HECW1: variants seen among roughly 807,000 people sequenced by gnomAD.
HECW1 encodes E3 ubiquitin-protein ligase HECW1.
Under a neutral mutation model 182.3 loss-of-function variants are expected in HECW1, and 61 were observed. The observed-to-expected ratio is 0.33, with a 90% CI of 0.27 to 0.41. The LOEUF (loss-of-function observed/expected upper bound fraction) is 0.41. Among genes scored for constraint, HECW1 ranks in the 10% least tolerant of loss-of-function variants. The probability of loss-of-function intolerance (pLI) is 1.00; values close to 1 mark genes in which losing one functional copy is unlikely to be tolerated. For synonymous variants in HECW1, 859 were observed against 832.6 expected (o/e 1.03, Z -0.55); for missense variants, 1,739 against 2,108.9 (o/e 0.82, Z 3.44).
chr7:43,245,443 A>G (rs1021266362), intron 3 of HECW1: 1 of 152,216 alleles, frequency 6.6e-6, no homozygotes, highest in African/African-American at 2.4e-5. Flanking sequence ...AGTGCATTTC[A>G]CATTCAGGAA....
chr7:43,532,517 G>C (rs994549670), intron 24 of HECW1, among the ~76,000 whole-genome samples: 54 of 152,258 alleles, frequency 3.5e-4, no homozygotes, highest in African/African-American at 1.2e-3. Context: ...TCCCCTGGGT[G>C]CCTCTCCAAA....
chr7:43,294,483 T>C (rs1427437676), intron 3 of HECW1, among the ~76,000 whole-genome samples: 1 of 152,206 alleles, frequency 6.6e-6, no homozygotes, highest in Non-Finnish European at 1.5e-5. Flanking sequence ...GGGAATCAGC[T>C]GCCACTGTTG....
Position 43,351,926 on chromosome 7 carries a change from G to A in HECW1, c.461-8960G>A, listed in dbSNP as rs918894253. 5.3e-5 allele frequency among the ~76,000 whole-genome samples: 8 copies of A among 152,060 alleles called. No individual in the cohort carries two copies. The East Asian group carries it at 5.8e-4, about 11-fold the overall frequency. ...TGGTGTATTTCTCAACAGTATATCCGTTTATTATTCAGAGTCCCACCTTGA... is the reference window on the plus strand; with the variant it reads ...TGGTGTATTTCTCAACAGTATATCCATTTATTATTCAGAGTCCCACCTTGA... On this transcript the variant is annotated intron_variant, in intron 5 of 29. Coordinates refer to ENST00000395891, the MANE Select transcript of HECW1 (RefSeq NM_015052.5).
intron 2 of HECW1, among the ~76,000 whole-genome samples, chr7:43,235,870 G>A (rs139594118): frequency 1.1e-4 from 16 of 152,232 alleles, no homozygotes; most frequent in Admixed American, 4.6e-4. Flanking sequence ...AAAAATGCAA[G>A]CACAGCTAAG....
At chr7:43,205,761 C>T (rs1795416186) in intron 2 of HECW1, among the ~76,000 whole-genome samples, 1 of 152,138 alleles carries the variant, frequency 6.6e-6, no homozygotes, top group African/African-American at 2.4e-5. Flanking sequence ...GGACAAGGTC[C>T]CTTCTGTCCT....
rs868481685 is a variant in HECW1, at chr7:43,186,523, C to G, written c.-31-57352C>G. On this transcript the variant is annotated intron_variant, in intron 2 of 29. Transcript: ENST00000395891. ...TTTACTAAAAATACAAAAAAATTTA[C>G]CCAGGCTTGGTGGAGGGCGCCTGTA... is the stretch of plus-strand genomic sequence containing the variant. Among the ~76,000 whole-genome samples the G allele has an allele frequency of 3.9e-5, 6 of 151,994 alleles. No homozygotes were observed. The Middle Eastern group carries it at 0.014, about 345-fold the overall frequency.
At chr7:43,362,131 CAAAA>C (rs34879817) in intron 6 of HECW1, among the ~76,000 whole-genome samples, 4 of 87,848 alleles carry the variant, frequency 4.6e-5, no homozygotes, top group Admixed American at 1.4e-4. Context: ...AACTCCGTCT[CAAAA>C]AAAAAAAAAA....
At chr7:43,198,546 C>T (rs540040985) in intron 2 of HECW1, among the ~76,000 whole-genome samples, 1 of 150,952 alleles carries the variant, frequency 6.6e-6, no homozygotes, top group East Asian at 2.0e-4. Flanking sequence ...ACTCCACACT[C>T]TCACACACCC....
chr7:43,455,127 C>G (rs1204059046), intron 12 of HECW1, among the ~76,000 whole-genome samples: 3 of 151,292 alleles, frequency 2.0e-5, no homozygotes, highest in Admixed American at 6.6e-5. Flanking sequence ...TTTTTGTTTT[C>G]TTTTTTTTTG....
intron 5 of HECW1, among the ~76,000 whole-genome samples, chr7:43,354,169 C>A (rs1307103031): frequency 6.9e-6 from 1 of 144,718 alleles, no homozygotes; most frequent in Non-Finnish European, 1.5e-5. Context: ...AGAATCTCTA[C>A]ACAAACATAT....
At chr7:43,506,875 T>C (rs2079596878) in intron 21 of HECW1, among the ~76,000 whole-genome samples, 1 of 152,272 alleles carries the variant, frequency 6.6e-6, no homozygotes, top group African/African-American at 2.4e-5. Flanking sequence ...GAGACCAGCC[T>C]GGTCAACATG....
At chr7:43,411,463 G>A (rs2075801379) in intron 8 of HECW1, among the ~76,000 whole-genome samples, 1 of 152,076 alleles carries the variant, frequency 6.6e-6, no homozygotes, top group Non-Finnish European at 1.5e-5. Flanking sequence ...TCCTATTGTG[G>A]CATATCAAGT....
intron 6 of HECW1, among the ~76,000 whole-genome samples, chr7:43,371,109 G>A (rs2109809): frequency 0.11 from 17,333 of 151,998 alleles, 1,174 homozygotes; most frequent in South Asian, 0.26. Flanking sequence ...GGATGGTCTC[G>A]ATCTCCTGAC....
intron 2 of HECW1, among the ~76,000 whole-genome samples, chr7:43,213,757 A>T (rs905369668): frequency 2.6e-5 from 4 of 152,252 alleles, no homozygotes; most frequent in Admixed American, 6.5e-5. Flanking sequence ...TAATTTTTTT[A>T]AAAATTAAAT....
chr7:43,457,503 T>G (rs2077441659), intron 13 of HECW1, among the ~76,000 whole-genome samples: 1 of 152,242 alleles, frequency 6.6e-6, no homozygotes, highest in African/African-American at 2.4e-5. Flanking sequence ...CCGGGTGCAG[T>G]GGCTCACGCC....
intron 12 of HECW1, among the ~76,000 whole-genome samples, chr7:43,454,361 G>A (rs1473429126): frequency 6.6e-6 from 1 of 152,136 alleles, no homozygotes; most frequent in Non-Finnish European, 1.5e-5. Context: ...AAGAAAAATA[G>A]TTGTCCTACT....
intron 6 of HECW1, among the ~76,000 whole-genome samples, chr7:43,386,859 GT>G (rs112409292): frequency 0.028 from 4,319 of 152,220 alleles, 207 homozygotes; most frequent in African/African-American, 0.099. Flanking sequence ...ATAAGGACAG[GT>G]TTTGTTTACA....
At chr7:43,376,102 C>T (rs921329356) in intron 6 of HECW1, among the ~76,000 whole-genome samples, 4 of 150,870 alleles carry the variant, frequency 2.7e-5, no homozygotes, top group Admixed American at 6.6e-5. Context: ...CTCCACATAA[C>T]CCAATAAACC....
At chr7:43,501,412 T>C (rs2079354763) in intron 21 of HECW1, 90 bp downstream of exon 21, 1 of 704,634 alleles carries the variant, frequency 1.4e-6, no homozygotes, top group Admixed American at 2.3e-5. Context: ...TATGTGTGTG[T>C]TCTTTCTCTC....
Sources: gnomAD v4.1 joint callset for allele counts (sites outside exome capture counted in the v4.1 genomes callset) on GRCh38, gnomAD v4.1.1 for gene constraint, MANE v1.5 for transcripts, NCBI Gene and HGNC (gene_info 2026-07-23, HGNC 2026-07-21) for gene names.